The following STXBP6 variants were observed in gnomAD, a reference collection of about 807,000 sequenced individuals.
The protein encoded by STXBP6 is syntaxin-binding protein 6.
A neutral mutation model predicts 26.9 loss-of-function variants in STXBP6; 21 were observed. The ratio of observed to expected loss-of-function variants is 0.78; its 90% CI spans 0.55 to 1.12. The LOEUF (loss-of-function observed/expected upper bound fraction) is 1.12, where lower values mean the gene tolerates loss of function less well. Among genes scored for constraint, STXBP6 ranks in the 50% most tolerant of loss-of-function variants. The probability of loss-of-function intolerance (pLI) is 0.00; values close to 1 mark genes in which losing one functional copy is unlikely to be tolerated. For synonymous variants in STXBP6, 97 were observed against 92.6 expected, an observed-to-expected ratio of 1.05 and a Z score of -0.27; for missense variants, 232 against 257.9, an observed-to-expected ratio of 0.90 and a Z score of 0.69.
At chr14:24,846,493 G>A (rs949446944) in intron 4 of STXBP6, among the ~76,000 whole-genome samples, 7 of 152,210 alleles carry the variant, frequency 4.6e-5, no homozygotes, top group Non-Finnish European at 1.0e-4. Flanking sequence ...TACCATAAAC[G>A]TTCTTTGTTT....
At chr14:24,938,760 C>T (rs1017552211) in intron 2 of STXBP6, among the ~76,000 whole-genome samples, 1 of 152,218 alleles carries the variant, frequency 6.6e-6, no homozygotes, top group Non-Finnish European at 1.5e-5. Flanking sequence ...CCATAACGAT[C>T]TGCTCCCCTA....
intron 1 of STXBP6, among the ~76,000 whole-genome samples, chr14:24,976,500 C>T (rs906997201): frequency 5.3e-5 from 8 of 152,148 alleles, no homozygotes; most frequent in African/African-American, 1.9e-4. Flanking sequence ...AACATTTTAT[C>T]ATCACCACCA....
chr14:24,910,283 T>C (rs2071525392), intron 2 of STXBP6, among the ~76,000 whole-genome samples: 1 of 152,230 alleles, frequency 6.6e-6, no homozygotes, highest in South Asian at 2.1e-4. Flanking sequence ...TTTTCATCTA[T>C]GTTGTTTTAT....
At chr14:25,024,215 A>G (rs2075308309) in intron 1 of STXBP6, among the ~76,000 whole-genome samples, 1 of 152,168 alleles carries the variant, frequency 6.6e-6, no homozygotes, top group African/African-American at 2.4e-5. Context: ...ATGCTGAGGC[A>G]GAAGAATTGC....
chr14:25,006,128 T>C (rs1415942995), intron 1 of STXBP6, among the ~76,000 whole-genome samples: 1 of 152,214 alleles, frequency 6.6e-6, no homozygotes, highest in East Asian at 1.9e-4. Context: ...CTTGCTCCCA[T>C]GACAGAGAAC....
intron 2 of STXBP6, among the ~76,000 whole-genome samples, chr14:24,866,604 A>C (rs12885468): frequency 6.6e-6 from 1 of 151,916 alleles, no homozygotes; most frequent in Non-Finnish European, 1.5e-5. Flanking sequence ...AGACTTGTAC[A>C]CTGAAAACTA....
intron 4 of STXBP6, among the ~76,000 whole-genome samples, chr14:24,828,605 A>G (rs1341018744): frequency 6.6e-6 from 1 of 152,202 alleles, no homozygotes; most frequent in Non-Finnish European, 1.5e-5. Flanking sequence ...AATTTCAGAA[A>G]GAGCAGAAAG....
At chr14:24,870,043 A>G (rs1455996749) in intron 2 of STXBP6, among the ~76,000 whole-genome samples, 2 of 152,180 alleles carry the variant, frequency 1.3e-5, no homozygotes, top group Non-Finnish European at 2.9e-5. Context: ...AACAACCATT[A>G]TGTATAGTAT....
At position 25,049,836 on chromosome 14, in the gene STXBP6, G is replaced by T. The variant is rs1338696555; in HGVS notation, c.-33+42C>A. 2.0e-6 allele frequency: 2 copies of T among 985,556 alleles called. No individual in the cohort carries two copies. The highest frequency in any genetic ancestry group is 2.4e-6 in the Non-Finnish European group (2 of 830,226). The allele number at this position is 985,556 out of a possible 1,614,324, so 61.1% of individuals were successfully genotyped here. On this transcript the variant is annotated intron_variant, in intron 1 of 5. Transcript: ENST00000323944. This position sits in a 1 kb window ranked among gnomAD's most constrained non-coding sequence, Gnocchi z 5.6. ...GCTGCAACCGCATCTCCCGGGCTTG[G>T]CCTCCGCCCTGACCGCCTGGCTCCC... is the stretch of plus-strand genomic sequence containing the variant.
Position 24,974,697 on chromosome 14 carries a change from T to C in STXBP6, c.122A>G (p.Gln41Arg). ...KKIPFLATGG[Q>R]GEYLTYICLS... ...GCAGATATAAGTTAAATATTCGCCT[T>C]GACCTCCAGTTGCCAAGAAAGGAAT... Residue 41 changes from glutamine (Q) to arginine (R), a missense_variant, in exon 2 of 6, where the codon CAA becomes CGA. By Grantham distance (43) the Gln-to-Arg change is conservative. Coordinates refer to ENST00000323944, the MANE Select transcript of STXBP6 (RefSeq NM_001394410.1). 1 of 1,560,502 alleles carries C rather than the reference T, an allele frequency of 6.4e-7. No individual in the cohort carries two copies. Among genetic ancestry groups the C allele is most frequent in the Non-Finnish European group, 8.7e-7 (1 of 1,150,208 alleles).
At chr14:25,005,303 C>T (rs547689378) in intron 1 of STXBP6, among the ~76,000 whole-genome samples, 16 of 152,220 alleles carry the variant, frequency 1.1e-4, no homozygotes, top group African/African-American at 3.9e-4. Context: ...ATGGGTATAA[C>T]AATTATGAGC....
chr14:25,003,594 A>C (rs965374875), intron 1 of STXBP6, among the ~76,000 whole-genome samples: 1 of 152,230 alleles, frequency 6.6e-6, no homozygotes, highest in Non-Finnish European at 1.5e-5. Flanking sequence ...CATACAGTAC[A>C]TGTAACATAA....
chr14:24,974,989 T>A (rs58424382), intron 1 of STXBP6, 139 bp from the exon 2 acceptor site: 1 of 516,208 alleles, frequency 1.9e-6, no homozygotes, highest in Non-Finnish European at 3.2e-6. Flanking sequence ...AAATGTATTA[T>A]AGAAACATTA....
At chr14:24,985,519 A>T (rs534790934) in intron 1 of STXBP6, among the ~76,000 whole-genome samples, 1 of 152,298 alleles carries the variant, frequency 6.6e-6, no homozygotes, top group East Asian at 1.9e-4. Context: ...CTGGCATTTC[A>T]AAAGCACAAC....
chr14:24,845,159 G>A (rs901843108), intron 4 of STXBP6, among the ~76,000 whole-genome samples: 18 of 151,988 alleles, frequency 1.2e-4, no homozygotes, highest in African/African-American at 4.1e-4. Flanking sequence ...CTACAGGCAT[G>A]TGCCACCAGG....
chr14:24,907,971 C>A (rs1426895481), intron 2 of STXBP6, among the ~76,000 whole-genome samples: 1 of 152,066 alleles, frequency 6.6e-6, no homozygotes. Context: ...AACCCCAAAT[C>A]TGTATCTCAC....
At chr14:24,850,762 T>C (rs2069124419) in intron 4 of STXBP6, among the ~76,000 whole-genome samples, 1 of 152,122 alleles carries the variant, frequency 6.6e-6, no homozygotes. Flanking sequence ...TACATAGCGC[T>C]GAGTAAATGA....
At chr14:24,930,396 T>C (rs10132498) in intron 2 of STXBP6, among the ~76,000 whole-genome samples, 31,502 of 152,244 alleles carry the variant, frequency 0.21, 3,297 homozygotes, top group East Asian at 0.25. Flanking sequence ...GTGCTAATTA[T>C]AACAGATTTT....
intron 3 of STXBP6, 105 bp downstream of exon 3, chr14:24,856,922 A>G: frequency 1.5e-6 from 2 of 1,347,870 alleles, no homozygotes; most frequent in Non-Finnish European, 2.0e-6. Context: ...ATAGAGAAAT[A>G]GCCTTCTTAA....
Sources: allele counts gnomAD v4.1 joint callset (sites outside exome capture counted in the v4.1 genomes callset), GRCh38; gene constraint gnomAD v4.1.1; non-coding constraint Gnocchi (gnomAD v3.1); transcripts MANE v1.5; gene names NCBI Gene and HGNC (gene_info 2026-07-23, HGNC 2026-07-21).